The following MRPL35 variants were observed in gnomAD, a reference collection of about 807,000 sequenced individuals.
MRPL35 encodes the protein large ribosomal subunit protein bL35m.
A neutral mutation model predicts 21.6 loss-of-function variants in MRPL35; 18 were observed. That is an observed-to-expected ratio of 0.83 (90% CI 0.58 to 1.24). The LOEUF (loss-of-function observed/expected upper bound fraction) is 1.24. MRPL35 is among the 50% of genes most tolerant of loss of function. The pLI is 0.00. For missense variants in MRPL35, 223 were observed against 223.2 expected, an observed-to-expected ratio of 1.00 and a Z score of 0.01; for synonymous variants, 87 against 86.9, an observed-to-expected ratio of 1.00 and a Z score of -0.01.
At chr2:86,200,742 G>A (rs182840397) in intron 1 of MRPL35, among the ~76,000 whole-genome samples, 1 of 151,504 alleles carries the variant, frequency 6.6e-6, no homozygotes, top group East Asian at 1.9e-4. Flanking sequence ...GCAATGGCAC[G>A]ATCTGGGCTC....
chr2:86,208,095 C>T lies in MRPL35; in HGVS notation c.378+768C>T, dbSNP rs559574561. ...GTTTGAAAGGTTGAAAGGATTCTCC[C>T]GTTTTATAAACAGTACTAAATTAGT... On this transcript the variant is annotated intron_variant, in intron 3 of 3. Coordinates refer to ENST00000337109, the MANE Select transcript of MRPL35 (RefSeq NM_016622.4). 3.5e-4 allele frequency among the ~76,000 whole-genome samples: 54 copies of T among 152,204 alleles called. No individual in the cohort carries two copies. The South Asian group carries it at 5.4e-3, about 15-fold the overall frequency.
chr2:86,212,217 G>T lies in MRPL35; in HGVS notation c.*1549G>T, dbSNP rs2103919357. On this transcript the variant is annotated 3_prime_UTR_variant, in exon 4 of 4. Transcript: ENST00000337109. ...GAAGTTCTGCAGCATGTCAGGCCAG[G>T]ATTATTAGGGAGATTCCTCGAAACT... is the stretch of plus-strand genomic sequence containing the variant. The T allele has an allele frequency of 7.5e-7, 1 of 1,337,402 alleles. No homozygotes were observed. The highest frequency in any genetic ancestry group is 2.9e-5 in the East Asian group (1 of 34,232). The allele number at this position is 1,337,402 out of a possible 1,614,324, so 82.8% of individuals were successfully genotyped here.
chr2:86,201,080 T>C (rs1673675950), intron 1 of MRPL35, among the ~76,000 whole-genome samples: 1 of 152,188 alleles, frequency 6.6e-6, no homozygotes, highest in Admixed American at 6.5e-5. Context: ...TCTGAGGATG[T>C]GGGTATGTGT....
At chr2:86,202,208 CA>C (rs1172271587) in intron 1 of MRPL35, among the ~76,000 whole-genome samples, 1 of 152,212 alleles carries the variant, frequency 6.6e-6, no homozygotes, top group Non-Finnish European at 1.5e-5. Context: ...TGCTCTCAAC[CA>C]AGATCCCAGT....
Position 86,212,495 on chromosome 2 carries a change from C to T in MRPL35, c.*1827C>T, listed in dbSNP as rs1573974467. 2.5e-6 allele frequency: 4 copies of T among 1,611,130 alleles called. No individual in the cohort carries two copies. The highest frequency in any genetic ancestry group is 3.4e-6 in the Non-Finnish European group (4 of 1,178,816). ...TGCCTGGCTCCTGCTCTCTGATGTA[C>T]CTCTGGGTAGTGAGATGGAAATGGT... On this transcript the variant is annotated 3_prime_UTR_variant, in exon 4 of 4. Transcript: ENST00000337109.
Position 86,213,741 on chromosome 2 carries a change from A to T in MRPL35, c.*3073A>T. On this transcript the variant is annotated 3_prime_UTR_variant, in exon 4 of 4. Transcript: ENST00000337109. The stretch of plus-strand genomic sequence containing the variant: ...GACTATTCTATTTTCACAGCTACCT[A>T]GTTTCTGCCGATGATTTTTTTAAAT... 1 of 1,452,384 alleles carries T rather than the reference A, an allele frequency of 6.9e-7. No homozygotes were observed. The highest frequency in any genetic ancestry group is 9.4e-7 in the Non-Finnish European group (1 of 1,063,822). The allele number at this position is 1,452,384 out of a possible 1,614,324, so 90.0% of individuals were successfully genotyped here.
intron 1 of MRPL35, among the ~76,000 whole-genome samples, chr2:86,201,943 C>G (rs1673693944): frequency 6.6e-6 from 1 of 152,202 alleles, no homozygotes; most frequent in South Asian, 2.1e-4. Context: ...CGTACTCTGT[C>G]AAAACTCTGG....
At chr2:86,200,033 G>A (rs754794539) in intron 1 of MRPL35, among the ~76,000 whole-genome samples, 40 of 152,236 alleles carry the variant, frequency 2.6e-4, no homozygotes, top group Non-Finnish European at 4.3e-4. Context: ...TTTAACTACA[G>A]CCCCCGGCAC....
chr2:86,211,383 CTAGAG>C lies in MRPL35; in HGVS notation c.*719_*723del. On this transcript the variant is annotated 3_prime_UTR_variant, in exon 4 of 4. Coordinates refer to ENST00000337109, the MANE Select transcript of MRPL35 (RefSeq NM_016622.4). ...ATACTAGGTCTGGTTGGGTCATTGT[CTAGAG>C]TAGGGATTGGCTGTCCTTAAGTCAG... is the stretch of plus-strand genomic sequence containing the variant. 2 of 984,206 alleles carry C rather than the reference CTAGAG, an allele frequency of 2.0e-6. No individual in the cohort carries two copies. Among genetic ancestry groups the C allele is most frequent in the Non-Finnish European group, 2.4e-6 (2 of 828,882 alleles). 61.0% of individuals were successfully genotyped at this position (984,206 alleles called of 1,614,324 possible).
chr2:86,207,390 C>G, intron 3 of MRPL35, 63 bp downstream of exon 3: 1 of 1,543,106 alleles, frequency 6.5e-7, no homozygotes, highest in South Asian at 1.2e-5. Flanking sequence ...GTGGCTCACG[C>G]CTATAATCCC....
In MRPL35 at chr2:86,207,205, G is replaced by A; in HGVS notation, c.256G>A (p.Val86Ile). 1 of 1,612,950 alleles carries A rather than the reference G, an allele frequency of 6.2e-7. No homozygotes were observed. Among genetic ancestry groups the A allele is most frequent in the Non-Finnish European group, 8.5e-7 (1 of 1,179,346 alleles). Residue 86 changes from valine to isoleucine, a missense_variant, in exon 3 of 4, where the codon GTC (valine) becomes ATC (isoleucine). Transcript: ENST00000337109. ...LNRMAPVLPS[V>I]LKLPVRSLTY... ...TAGAATGGCCCCCGTGCTTCCAAGT[G>A]TCCTGAAGCTGCCAGTCAGATCTCT... is the stretch of plus-strand genomic sequence containing the variant.
intron 3 of MRPL35, among the ~76,000 whole-genome samples, chr2:86,207,566 G>C (rs1274310729): frequency 4.6e-5 from 7 of 152,204 alleles, no homozygotes; most frequent in Non-Finnish European, 1.5e-5. Context: ...CCCGGGAGGT[G>C]GAGGTTGTAG....
chr2:86,201,565 T>TG (rs1304626978), intron 1 of MRPL35, among the ~76,000 whole-genome samples: 1 of 152,340 alleles, frequency 6.6e-6, no homozygotes. Flanking sequence ...AAATAGATGA[T>TG]GTAGGTAGTT....
intron 3 of MRPL35, 49 bp from the exon 4 acceptor site, chr2:86,210,431 T>G (rs1234731012): frequency 2.0e-6 from 3 of 1,465,814 alleles, no homozygotes; most frequent in Middle Eastern, 1.8e-4. Context: ...AGATACCTGT[T>G]GTTTCATACA....
At chr2:86,202,556 T>C (rs548097177) in intron 1 of MRPL35, among the ~76,000 whole-genome samples, 12 of 152,352 alleles carry the variant, frequency 7.9e-5, no homozygotes, top group Middle Eastern at 6.8e-3. Context: ...CTTCCAAAGA[T>C]TACCTCCTGC....
rs1157764222 is a variant in MRPL35 at position 86,210,633 on chromosome 2, C to T, written c.532C>T (p.Gln178Ter). 1.9e-6 allele frequency: 3 copies of T among 1,612,852 alleles called. No homozygotes were observed. Among genetic ancestry groups the T allele is most frequent in the African/African-American group, 1.3e-5 (1 of 74,858 alleles). Residue 178 changes from glutamine (Q) to a stop codon, truncating the protein, a stop_gained, in exon 4 of 4, where the codon CAG becomes TAG. Transcript: ENST00000337109. LOFTEE classifies it high-confidence loss of function. ...AAACTGGTACGTTGATGATCCTTAT[C>T]AGAAGTATCATGATCGAACAAACCT... ...RRNWYVDDPY[Q>*]KYHDRTNLKV is the part of the protein sequence containing the mutation.
intron 1 of MRPL35, among the ~76,000 whole-genome samples, chr2:86,202,267 C>G (rs141597143): frequency 2.0e-4 from 30 of 152,288 alleles, no homozygotes; most frequent in African/African-American, 7.2e-4. Flanking sequence ...GTATTTATTC[C>G]TGATTTCATC....
chr2:86,208,411 A>T (rs1673844595), intron 3 of MRPL35, among the ~76,000 whole-genome samples: 1 of 151,594 alleles, frequency 6.6e-6, no homozygotes, highest in South Asian at 2.1e-4. Flanking sequence ...GGTTCAGGCC[A>T]TTCTCCTGCC....
rs1054998620 is a variant in MRPL35, at chr2:86,205,414, T to A, written c.44-692T>A. Among the ~76,000 whole-genome samples the A allele has an allele frequency of 4.9e-5, 6 of 122,412 alleles. No homozygotes were observed. In the East Asian group the frequency reaches 1.2e-3, roughly 24 times the overall value. 80.3% of individuals were successfully genotyped at this position (122,412 alleles called of 152,430 possible). On this transcript the variant is annotated intron_variant, in intron 1 of 3. Transcript: ENST00000337109. Reference sequence around the variant, plus strand: ...GAGTAGGCTGAGGAGGAGTTGGTTTTGCTCTCTCTGCGATTGCAGAGAAAG... The same window carrying A: ...GAGTAGGCTGAGGAGGAGTTGGTTTAGCTCTCTCTGCGATTGCAGAGAAAG...
Sources: allele counts gnomAD v4.1 joint callset (sites outside exome capture counted in the v4.1 genomes callset), GRCh38; gene constraint gnomAD v4.1.1; transcripts MANE v1.5; gene names NCBI Gene and HGNC (gene_info 2026-07-23, HGNC 2026-07-21).